ZCCHC4: variants seen among roughly 807,000 people sequenced by gnomAD.
The protein encoded by ZCCHC4 is rRNA N(6)-adenosine-methyltransferase ZCCHC4.
Under a neutral mutation model 67.7 loss-of-function variants are expected in ZCCHC4, and 54 were observed. That is an observed-to-expected ratio of 0.80 (90% CI 0.64 to 1.00). The LOEUF (loss-of-function observed/expected upper bound fraction) is 1.00, where lower values mean the gene tolerates loss of function less well. ZCCHC4 is among the 50% of genes least tolerant of loss of function. ZCCHC4 has a pLI of 0.00. For synonymous variants in ZCCHC4, 198 were observed against 213.5 expected (o/e 0.93, Z 0.63); for missense variants, 609 against 617.0 (o/e 0.99, Z 0.14).
intron 8 of ZCCHC4, among the ~76,000 whole-genome samples, chr4:25,356,939 C>G (rs1720542566): frequency 6.6e-6 from 1 of 152,046 alleles, no homozygotes. Context: ...GCTGACTTCC[C>G]AACATAATAA....
intron 5 of ZCCHC4, among the ~76,000 whole-genome samples, chr4:25,334,314 G>A (rs1169069314): frequency 2.0e-5 from 3 of 152,196 alleles, no homozygotes; most frequent in East Asian, 1.9e-4. Context: ...ATTCTAAACT[G>A]CCTCATACTT....
rs202233536 is a variant in ZCCHC4 at position 25,369,044 on chromosome 4, G to T, written c.1422G>T (p.Gln474His). Reference protein sequence around the residue: ...SKRANKAVRKQKQRKSNKMKM... With the variant: ...SKRANKAVRKHKQRKSNKMKM... ...TGTTTTCCAGAGCTGTCAGAAAGCA[G>T]AAGCAAAGAAAAAGTAATAAGATGA... is the stretch of plus-strand genomic sequence containing the variant. The change falls in exon 13 of 13, where the codon CAG becomes CAT. Residue 474 changes from glutamine (Q) to histidine (H), a missense_variant. Coordinates refer to ENST00000302874, the MANE Select transcript of ZCCHC4 (RefSeq NM_024936.3). 369 of 1,611,068 alleles carry T rather than the reference G, an allele frequency of 2.3e-4. No individual in the cohort carries two copies. Among genetic ancestry groups the T allele is most frequent in the Non-Finnish European group, 2.9e-4 (346 of 1,179,378 alleles).
intron 3 of ZCCHC4, among the ~76,000 whole-genome samples, chr4:25,331,863 C>T (rs1719200130): frequency 6.6e-6 from 1 of 152,212 alleles, no homozygotes; most frequent in Non-Finnish European, 1.5e-5. Context: ...TAGCTTATTT[C>T]TTGCTGCAAC....
intron 3 of ZCCHC4, among the ~76,000 whole-genome samples, chr4:25,327,297 T>C (rs1341973478): frequency 2.0e-5 from 3 of 152,192 alleles, no homozygotes; most frequent in Non-Finnish European, 4.4e-5. Context: ...CTTTCAGCTG[T>C]ATGGTGTTAG....
In ZCCHC4 at chr4:25,333,946, A is replaced by C. The variant is rs201634732; in HGVS notation, c.644A>C (p.Lys215Thr). The C allele has an allele frequency of 1.5e-5, 24 of 1,606,286 alleles. 1 individual carries two copies. The Admixed American group carries it at 3.3e-4, about 22-fold the overall frequency. ...ELIKLTASGD[K>T]KSNIKSLLLD... ...ATCAAGTTGACAGCATCAGGTGACA[A>C]GAAGTCTAACATTAAAAGCCTTTTA... The change falls in exon 5 of 13, where the codon AAG (lysine) becomes ACG (threonine). Residue 215 changes from lysine to threonine, a missense_variant. Physicochemically the swap from Lys to Thr is moderately conservative, Grantham distance 78 (BLOSUM62 -1). Coordinates refer to ENST00000302874, the MANE Select transcript of ZCCHC4 (RefSeq NM_024936.3).
At chr4:25,333,095 C>T in intron 3 of ZCCHC4, 88 bp from the exon 4 acceptor site, 19 of 1,365,246 alleles carry the variant, frequency 1.4e-5, no homozygotes, top group Non-Finnish European at 1.9e-5. Context: ...AGTAAAAATA[C>T]TTTTTGGATG....
At chr4:25,345,412 T>C (rs1332237541) in intron 5 of ZCCHC4, 136 bp from the exon 6 acceptor site, 1 of 630,234 alleles carries the variant, frequency 1.6e-6, no homozygotes, top group Non-Finnish European at 2.8e-6. Context: ...CCTGAAATTT[T>C]TGCAAATTAT....
rs530212923 is a variant in ZCCHC4 at position 25,339,874 on chromosome 4, A to AT, written c.687-5659dup. On this transcript the variant is annotated intron_variant, in intron 5 of 12. Transcript: ENST00000302874. ...ACTTAGGTCTTTAATCTATTTTGAG[A>AT]TTTTTTTTTTTTTTTGAGACGGAGT... Among the ~76,000 whole-genome samples the AT allele has an allele frequency of 7.8e-3, 1,117 of 142,396 alleles. 5 individuals are homozygous for AT. Among genetic ancestry groups the AT allele is most frequent in the African/African-American group, 0.016 (627 of 38,974 alleles). 93.4% of individuals were successfully genotyped at this position (142,396 alleles called of 152,430 possible).
chr4:25,321,305 T>A (rs1426367204), intron 3 of ZCCHC4, among the ~76,000 whole-genome samples: 1 of 151,972 alleles, frequency 6.6e-6, no homozygotes, highest in African/African-American at 2.4e-5. Flanking sequence ...CAGGCAGGAG[T>A]GCAGTGGTGC....
At chr4:25,319,158 T>A (rs1251421774) in intron 3 of ZCCHC4, among the ~76,000 whole-genome samples, 1 of 151,722 alleles carries the variant, frequency 6.6e-6, no homozygotes, top group Admixed American at 6.6e-5. Context: ...CCTAGGCGGG[T>A]GGATCACGAG....
chr4:25,369,230 C>CCA lies in ZCCHC4; in HGVS notation c.*70_*71dup. ...CCTTTGATGCCATTTTCTGAAAGTG[C>CCA]CACACTGGACTTAAATTCAGCTGCT... On this transcript the variant is annotated 3_prime_UTR_variant, in exon 13 of 13. Coordinates refer to ENST00000302874, the MANE Select transcript of ZCCHC4 (RefSeq NM_024936.3). 6.3e-7 allele frequency: 1 copy of CCA among 1,588,132 alleles called. No homozygotes were observed. The highest frequency in any genetic ancestry group is 8.5e-7 in the Non-Finnish European group (1 of 1,170,758).
intron 10 of ZCCHC4, 119 bp downstream of exon 10, chr4:25,362,420 CATTT>C: frequency 1.8e-6 from 1 of 564,530 alleles, no homozygotes; most frequent in Non-Finnish European, 2.8e-6. Flanking sequence ...TATGTATTAT[CATTT>C]ATTAATTATG....
intron 3 of ZCCHC4, among the ~76,000 whole-genome samples, chr4:25,321,307 C>T (rs1718574701): frequency 6.6e-6 from 1 of 151,754 alleles, no homozygotes; most frequent in South Asian, 2.1e-4. Flanking sequence ...GGCAGGAGTG[C>T]AGTGGTGCAT....
Position 25,333,311 on chromosome 4 carries a change from A to C in ZCCHC4, c.458A>C (p.Gln153Pro), listed in dbSNP as rs752156225. The C allele has an allele frequency of 9.3e-6, 15 of 1,614,046 alleles. No homozygotes were observed. The African/African-American group carries it at 1.2e-4, about 13-fold the overall frequency. ...GTTCTGGGTAATGTGTCCATTACCC[A>C]GTTAAGAAGGCCCAGTCAACTCCTT... The part of the protein sequence containing the change: ...HQVLGNVSIT[Q>P]LRRPSQLLYP... The change falls in exon 4 of 13, where the codon CAG (glutamine) becomes CCG (proline). Residue 153 changes from glutamine to proline, a missense_variant. By Grantham distance (76) the Gln-to-Pro change is moderately conservative. Coordinates refer to ENST00000302874, the MANE Select transcript of ZCCHC4 (RefSeq NM_024936.3).
intron 3 of ZCCHC4, among the ~76,000 whole-genome samples, chr4:25,322,578 C>T (rs536214819): frequency 1.3e-5 from 2 of 152,090 alleles, no homozygotes; most frequent in African/African-American, 2.4e-5. Context: ...GCAGTGGCAT[C>T]GTGATCTTGG....
chr4:25,334,948 T>C (rs1267763245), intron 5 of ZCCHC4, among the ~76,000 whole-genome samples: 1 of 151,966 alleles, frequency 6.6e-6, no homozygotes, highest in African/African-American at 2.4e-5. Flanking sequence ...GGCGATCCTC[T>C]AACCTCAGTC....
chr4:25,320,210 G>A (rs1490926515), intron 3 of ZCCHC4, among the ~76,000 whole-genome samples: 3 of 151,778 alleles, frequency 2.0e-5, no homozygotes, highest in Non-Finnish European at 4.4e-5. Flanking sequence ...TTAGCTGCCT[G>A]TTACGCTCTG....
At chr4:25,330,495 T>A (rs1261512346) in intron 3 of ZCCHC4, among the ~76,000 whole-genome samples, 1 of 152,264 alleles carries the variant, frequency 6.6e-6, no homozygotes, top group Non-Finnish European at 1.5e-5. Flanking sequence ...CTACTACCTG[T>A]AGCCAACTCT....
At chr4:25,315,824 C>T (rs1411342383) in intron 3 of ZCCHC4, among the ~76,000 whole-genome samples, 2 of 151,956 alleles carry the variant, frequency 1.3e-5, no homozygotes, top group Non-Finnish European at 2.9e-5. Context: ...ACCAGTCCTC[C>T]ACCTCAGCCT....
Sources: gnomAD v4.1 joint callset for allele counts (sites outside exome capture counted in the v4.1 genomes callset) on GRCh38, gnomAD v4.1.1 for gene constraint, MANE v1.5 for transcripts, NCBI Gene and HGNC (gene_info 2026-07-23, HGNC 2026-07-21) for gene names.